PLA2R1: variants seen among roughly 807,000 people sequenced by gnomAD.
The protein encoded by PLA2R1 is secretory phospholipase A2 receptor.
A neutral mutation model predicts 195.9 loss-of-function variants in PLA2R1; 158 were observed. The ratio of observed to expected loss-of-function variants is 0.81; its 90% confidence interval spans 0.71 to 0.92. The LOEUF is 0.92. Ranked by LOEUF, PLA2R1 falls within the 40% of genes least tolerant of loss-of-function variation. The pLI is 0.00. For missense variants in PLA2R1, 1,626 were observed against 1,764.6 expected, an observed-to-expected ratio of 0.92 and a Z score of 1.41; for synonymous variants, 586 against 598.2, an observed-to-expected ratio of 0.98 and a Z score of 0.30.
chr2:160,015,569 C>T (rs1350303795), intron 9 of PLA2R1, among the ~76,000 whole-genome samples: 1 of 152,146 alleles, frequency 6.6e-6, no homozygotes, highest in Non-Finnish European at 1.5e-5. Flanking sequence ...AAAAATAAAA[C>T]ACGCTGAGTT....
At position 159,939,175 on chromosome 2, in the gene PLA2R1, T is replaced by C. The variant is rs1574629782; in HGVS notation, c.*2603A>G. The stretch of plus-strand genomic sequence containing the variant: ...ATACCCATTACCTGCTACTTTTTTT[T>C]CTTTTCGAATTATAGCTATAAAATC... On this transcript the variant is annotated 3_prime_UTR_variant, in exon 30 of 30. Transcript: ENST00000283243. 1 of 152,176 alleles carries C rather than the reference T, an allele frequency of 6.6e-6. No individual in the cohort carries two copies. The highest frequency in any genetic ancestry group is 1.5e-5 in the Non-Finnish European group (1 of 68,024). The allele number at this position is 152,176 out of a possible 1,614,324, so 9.4% of individuals were successfully genotyped here.
At position 160,005,796 on chromosome 2, in the gene PLA2R1, A is replaced by G. The variant is rs199608786; in HGVS notation, c.1690T>C (p.Leu564=). The G allele has an allele frequency of 9.9e-6, 16 of 1,612,818 alleles. No homozygotes were observed. In the East Asian group the frequency reaches 2.5e-4, roughly 25 times the overall value. The change falls in exon 11 of 30, where the codon TTG becomes CTG. Residue 564 remains leucine, a synonymous_variant. Transcript: ENST00000283243. ...NRFEQAFITS[L]ISSVVKMKDS... is the part of the protein sequence containing the mutation. ...TTCATTTTTACCACACTACTGATCA[A>G]ACTGGTAATAAAAGCCTGTTCAAAC...
chr2:159,944,991 A>G lies in PLA2R1; in HGVS notation c.4059T>C (p.His1353=), dbSNP rs768547728. 86 of 1,613,510 alleles carry G rather than the reference A, an allele frequency of 5.3e-5. No homozygotes were observed. Among genetic ancestry groups the G allele is most frequent in the Middle Eastern group, 3.3e-4 (2 of 6,084 alleles). The change falls in exon 28 of 30, where the codon CAT becomes CAC. Residue 1353 remains histidine, a synonymous_variant. Transcript: ENST00000283243. The stretch of plus-strand genomic sequence containing the variant: ...CTTCAGGGATCCTCAAGGCAACACA[A>G]TGATGGGGCTTGAAGTAGTCTGTGT... ...KPDTDYFKPH[H]CVALRIPEGL...
chr2:159,949,211 C>T (rs1019397556), intron 25 of PLA2R1, among the ~76,000 whole-genome samples: 1 of 152,092 alleles, frequency 6.6e-6, no homozygotes, highest in Admixed American at 6.6e-5. Context: ...TCAGGCAAAT[C>T]CCAACATCGG....
At chr2:159,956,881 T>C (rs1308931520) in intron 20 of PLA2R1, among the ~76,000 whole-genome samples, 1 of 151,926 alleles carries the variant, frequency 6.6e-6, no homozygotes, top group Non-Finnish European at 1.5e-5. Flanking sequence ...TCTTGTGAAA[T>C]GTCAGAACAG....
chr2:160,013,341 A>G lies in PLA2R1; in HGVS notation c.1586T>C (p.Ile529Thr), dbSNP rs373472287. The G allele has an allele frequency of 1.2e-6, 2 of 1,609,860 alleles. No individual in the cohort carries two copies. Among genetic ancestry groups the G allele is most frequent in the Non-Finnish European group, 8.5e-7 (1 of 1,176,382 alleles). Reference protein sequence around the residue: ...WERHGGFCYKIDTVLRSFDQA... With the variant: ...WERHGGFCYKTDTVLRSFDQA... Reference sequence around the variant, plus strand: ...GTCAAAGCTTCGAAGGACTGTGTCAATTTTGTAACAGAATCCACCATGTCT... The same window carrying G: ...GTCAAAGCTTCGAAGGACTGTGTCAGTTTTGTAACAGAATCCACCATGTCT... Residue 529 changes from isoleucine to threonine, a missense_variant, in exon 10 of 30, where the codon ATT becomes ACT. Physicochemically the swap from Ile to Thr is moderately conservative, Grantham distance 89 (BLOSUM62 -1). Transcript: ENST00000283243.
rs780282214 is a variant in PLA2R1 at position 159,941,924 on chromosome 2, G to T, written c.4246C>A (p.Leu1416Ile). The change falls in exon 30 of 30, where the codon CTT becomes ATT. Residue 1416 changes from leucine to isoleucine, a missense_variant. Transcript: ENST00000283243. ...TLIVIVAICT[L>I]SFCIYKHNGG... ...TTATGCTTGTATATGCAGAAGGAAA[G>T]TGTGCAAATGGCCACAATGACTATC... 1.9e-6 allele frequency: 3 copies of T among 1,613,916 alleles called. No homozygotes were observed. The Admixed American group carries it at 5.0e-5, about 27-fold the overall frequency.
At chr2:160,023,152 A>G (rs1034747467) in intron 6 of PLA2R1, among the ~76,000 whole-genome samples, 4 of 152,158 alleles carry the variant, frequency 2.6e-5, no homozygotes, top group African/African-American at 7.2e-5. Context: ...CGATAGAGAC[A>G]CCTGTGTCAG....
At position 159,933,579 on chromosome 2, in the gene PLA2R1, T is replaced by C. The variant is rs1686680107; in HGVS notation, c.*8199A>G. On this transcript the variant is annotated 3_prime_UTR_variant, in exon 30 of 30. Transcript: ENST00000283243. ...ATGTCACATTGCATTGCACTTATCA[T>C]TTACATATTCCTCTCCCCTGAGACT... The C allele has an allele frequency of 6.6e-6, 1 of 152,278 alleles. No homozygotes were observed. Among genetic ancestry groups the C allele is most frequent in the African/African-American group, 2.4e-5 (1 of 41,550 alleles). The allele number at this position is 152,278 out of a possible 1,614,324, so 9.4% of individuals were successfully genotyped here. A position where few individuals can be genotyped will look rare whatever the true frequency, so the allele number is the denominator to read the frequency against.
chr2:159,925,124 A>G, the PLA2R1 span, among the ~76,000 whole-genome samples: 2 of 152,080 alleles, frequency 1.3e-5, no homozygotes, highest in Non-Finnish European at 2.9e-5. Context: ...TGAATTTTCC[A>G]GCTCCTCTCA....
intron 20 of PLA2R1, among the ~76,000 whole-genome samples, chr2:159,958,383 G>T (rs981340683): frequency 6.6e-6 from 1 of 152,254 alleles, no homozygotes; most frequent in South Asian, 2.1e-4. Context: ...ACAGCCTGCA[G>T]AACTGTAAGT....
intron 8 of PLA2R1, 114 bp downstream of exon 8, chr2:160,019,992 A>G: frequency 3.1e-6 from 2 of 650,360 alleles, no homozygotes; most frequent in Non-Finnish European, 5.4e-6. Flanking sequence ...TGGAAGGCCC[A>G]TGAGGAACAG....
chr2:160,038,682 G>A (rs991841727), intron 3 of PLA2R1, among the ~76,000 whole-genome samples: 1 of 152,202 alleles, frequency 6.6e-6, no homozygotes, highest in Non-Finnish European at 1.5e-5. Context: ...ATGAGAATCA[G>A]AAAGGAGATT....
intron 12 of PLA2R1, 57 bp downstream of exon 12, chr2:159,987,099 G>T: frequency 1.5e-6 from 2 of 1,351,022 alleles, no homozygotes; most frequent in Non-Finnish European, 2.1e-6. Flanking sequence ...GGGATACATG[G>T]ATCAAATTAA....
chr2:159,929,872 G>GTGTGTATA (rs147413130), downstream of PLA2R1, among the ~76,000 whole-genome samples: 6 of 148,168 alleles, frequency 4.0e-5, no homozygotes, highest in South Asian at 2.1e-4. Flanking sequence ...GTGTGTGTGT[G>GTGTGTATA]TATATATATA....
intron 11 of PLA2R1, among the ~76,000 whole-genome samples, chr2:160,005,388 T>C (rs2105394862): frequency 6.6e-6 from 1 of 151,426 alleles, no homozygotes; most frequent in South Asian, 2.1e-4. Flanking sequence ...TGAACCGAGA[T>C]TGCACCACTG....
rs1560129974 is a variant in PLA2R1 at position 159,944,866 on chromosome 2, G to A, written c.4144+40C>T. 9 of 1,475,858 alleles carry A rather than the reference G, an allele frequency of 6.1e-6. No individual in the cohort carries two copies. The Admixed American group carries it at 1.4e-4, about 22-fold the overall frequency. The allele number at this position is 1,475,858 out of a possible 1,614,324, so 91.4% of individuals were successfully genotyped here. On this transcript the variant is annotated intron_variant, in intron 28 of 29. Coordinates refer to ENST00000283243, the MANE Select transcript of PLA2R1 (RefSeq NM_007366.5). ...AAGAAGTCAGTCAACATTAGTTAAG[G>A]TAGAATCAAAATGAAGAATTACTCT...
chr2:159,955,755 T>C lies in PLA2R1; in HGVS notation c.3096A>G (p.Thr1032=), dbSNP rs755162038. 4.4e-6 allele frequency: 7 copies of C among 1,583,432 alleles called. No individual in the cohort carries two copies. The highest frequency in any genetic ancestry group is 4.3e-6 in the Non-Finnish European group (5 of 1,155,338). Residue 1032 remains threonine (T), a synonymous_variant, in exon 22 of 30, where the codon ACA becomes ACG. Coordinates refer to ENST00000283243, the MANE Select transcript of PLA2R1 (RefSeq NM_007366.5). ...ATACCACAGGCTTTCCATTTAGCCA[T>C]GTTTCATAATCATCATTTTGTAAAC... ...WIGLQNDDYE[T]WLNGKPVVYS...
At chr2:160,046,368 T>C (rs1265147602) in intron 1 of PLA2R1, among the ~76,000 whole-genome samples, 4 of 152,192 alleles carry the variant, frequency 2.6e-5, no homozygotes, top group African/African-American at 9.7e-5. Context: ...CAAGATAGGG[T>C]TCCCTCCAAT....
Sources: gnomAD v4.1 joint callset for allele counts (sites outside exome capture counted in the v4.1 genomes callset) on GRCh38, gnomAD v4.1.1 for gene constraint, MANE v1.5 for transcripts, NCBI Gene and HGNC (gene_info 2026-07-23, HGNC 2026-07-21) for gene names.